The following AKAP8 variants were observed in gnomAD, a reference collection of about 807,000 sequenced individuals.
The protein encoded by AKAP8 is A-kinase anchor protein 8.
Under a neutral mutation model 67.5 loss-of-function variants are expected in AKAP8, and 24 were observed. That is an observed-to-expected ratio of 0.36 (90% CI 0.26 to 0.50). The LOEUF is 0.50. Among genes scored for constraint, AKAP8 ranks in the 20% least tolerant of loss-of-function variants. The pLI, the probability that AKAP8 is intolerant of heterozygous loss-of-function variation, is 0.97. For missense variants in AKAP8, 971 were observed against 955.9 expected (o/e 1.02, Z -0.21); for synonymous variants, 400 against 371.1 (o/e 1.08, Z -0.90).
At chr19:15,358,860 A>C (rs1269673851) in intron 13 of AKAP8, 107 bp downstream of exon 13, 2 of 1,032,924 alleles carry the variant, frequency 1.9e-6, no homozygotes, top group African/African-American at 1.6e-5. Flanking sequence ...CAACTGTCAA[A>C]AGACTCAGAA....
At chr19:15,367,200 C>T (rs1285981889) in intron 9 of AKAP8, among the ~76,000 whole-genome samples, 1 of 152,222 alleles carries the variant, frequency 6.6e-6, no homozygotes, top group Non-Finnish European at 1.5e-5. Flanking sequence ...GCCACGGCAT[C>T]TGGCCCCTTT....
rs188087629 is a variant in AKAP8, at chr19:15,374,999, G to T, written c.59-364C>A. ...TCCCATCAGAAGCCAGAGTGCAGGCGCTGCCAACTGCACAGCGAAGCATTG... is the reference window on the plus strand; with the variant it reads ...TCCCATCAGAAGCCAGAGTGCAGGCTCTGCCAACTGCACAGCGAAGCATTG... On this transcript the variant is annotated intron_variant, in intron 2 of 13. Transcript: ENST00000269701. Among the ~76,000 whole-genome samples, 344 of 152,312 alleles carry T rather than the reference G, an allele frequency of 2.3e-3. 2 individuals are homozygous for T. Among genetic ancestry groups the T allele is most frequent in the Admixed American group, 7.6e-3 (117 of 15,296 alleles).
In AKAP8 at chr19:15,374,623, G is replaced by A; in HGVS notation, c.71C>T (p.Thr24Ile). 6.2e-7 allele frequency: 1 copy of A among 1,612,794 alleles called. No homozygotes were observed. Among genetic ancestry groups the A allele is most frequent in the Non-Finnish European group, 8.5e-7 (1 of 1,179,354 alleles). ...CTTACCTTGCCAGCTGGCCACACCA[G>A]TTCCATATGCACCTTAGGGGAAACA... ...GPANTQGAYG[T>I]GVASWQGYEN... is the part of the protein sequence containing the mutation. Residue 24 changes from threonine to isoleucine, a missense_variant, in exon 3 of 14, where the codon ACT becomes ATT. Transcript: ENST00000269701.
chr19:15,373,396 C>T (rs181565204), intron 4 of AKAP8, 56 bp from the exon 5 acceptor site: 23 of 1,541,828 alleles, frequency 1.5e-5, no homozygotes, highest in African/African-American at 9.6e-5. Flanking sequence ...CACTGCCACA[C>T]TCCCTCAGTA....
In AKAP8 at chr19:15,368,348, C is replaced by T. The variant is rs145962172; in HGVS notation, c.1073-26G>A. ...CTGTAACAGACAAGTCCCTTCGAGA[C>T]GCTCTGAGTGGCCTGCAAAGGAGCT... On this transcript the variant is annotated intron_variant, in intron 8 of 13. Transcript: ENST00000269701. 75 of 1,612,986 alleles carry T rather than the reference C, an allele frequency of 4.6e-5. No individual in the cohort carries two copies. In the African/African-American group the frequency reaches 5.7e-4, roughly 12 times the overall value.
chr19:15,371,238 G>A (rs754054152), intron 7 of AKAP8, among the ~76,000 whole-genome samples: 1 of 152,150 alleles, frequency 6.6e-6, no homozygotes, highest in Non-Finnish European at 1.5e-5. Flanking sequence ...TGGGGTGGCT[G>A]AGGCACCTCC....
chr19:15,368,515 C>G, intron 8 of AKAP8, 193 bp from the exon 9 acceptor site: 1 of 985,218 alleles, frequency 1.0e-6, no homozygotes. Context: ...AGTGAGAGCC[C>G]GGAGTAGTCA....
chr19:15,356,806 T>C (rs1404499664), intron 13 of AKAP8, among the ~76,000 whole-genome samples: 1 of 152,046 alleles, frequency 6.6e-6, no homozygotes, highest in Non-Finnish European at 1.5e-5. Context: ...CAGACCAGCA[T>C]GGGCAACAGA....
chr19:15,359,191 TCCA>T, intron 12 of AKAP8, 129 bp from the exon 13 acceptor site: 2 of 787,966 alleles, frequency 2.5e-6, no homozygotes, highest in Non-Finnish European at 4.2e-6. Flanking sequence ...AACGCCAGCC[TCCA>T]AGAATAGAAG....
chr19:15,368,792 G>T (rs890716977), intron 8 of AKAP8: 5 of 985,142 alleles, frequency 5.1e-6, no homozygotes, highest in Non-Finnish European at 6.0e-6. Context: ...GCGTCCTGGC[G>T]GCCCCGTCTG....
chr19:15,363,343 G>A lies in AKAP8; in HGVS notation c.1161-1092C>T, dbSNP rs866561912. 7.7e-3 allele frequency among the ~76,000 whole-genome samples: 648 copies of A among 84,636 alleles called. 10 individuals are homozygous for A. Among genetic ancestry groups the A allele is most frequent in the African/African-American group, 0.029 (599 of 20,906 alleles). The allele number at this position is 84,636 out of a possible 152,430, so 55.5% of individuals were successfully genotyped here. A position where few individuals can be genotyped will look rare whatever the true frequency, so the allele number is the denominator to read the frequency against. ...CTCTGCCCGGCCAGCCGCTCCGTCCGGGAGGGAGGTGGGGGGGGGTCAGCC... is the reference window on the plus strand; with the variant it reads ...CTCTGCCCGGCCAGCCGCTCCGTCCAGGAGGGAGGTGGGGGGGGGTCAGCC... On this transcript the variant is annotated intron_variant, in intron 9 of 13. Coordinates refer to ENST00000269701, the MANE Select transcript of AKAP8 (RefSeq NM_005858.4).
Position 15,354,659 on chromosome 19 carries a change from A to T in AKAP8, c.*256T>A. 1 of 509,846 alleles carries T rather than the reference A, an allele frequency of 2.0e-6. No individual in the cohort carries two copies. The allele number at this position is 509,846 out of a possible 1,614,324, so 31.6% of individuals were successfully genotyped here. A position where few individuals can be genotyped will look rare whatever the true frequency, so the allele number is the denominator to read the frequency against. The stretch of plus-strand genomic sequence containing the variant: ...TAATCACCCAACCTTTATTATTCCA[A>T]GTGCACTACTGTCAAGAGACATGTT... On this transcript the variant is annotated 3_prime_UTR_variant, in exon 14 of 14. Transcript: ENST00000269701.
chr19:15,372,265 T>C lies in AKAP8; in HGVS notation c.944A>G (p.Asp315Gly), dbSNP rs148305720. 6 of 1,614,090 alleles carry C rather than the reference T, an allele frequency of 3.7e-6. No individual in the cohort carries two copies. In the African/African-American group the frequency reaches 5.3e-5, roughly 14 times the overall value. ...ACTGTCAACCCGGGCCAGTTTGGTG[T>C]CTGGCTCCTCGTAAAGTTGGAACTG... ...RKQFQLYEEP[D>G]TKLARVDSEG... Residue 315 changes from aspartate to glycine, a missense_variant, in exon 6 of 14, where the codon GAC (aspartate) becomes GGC (glycine). Asp to Gly is a moderately conservative substitution (Grantham distance 94, BLOSUM62 -1). Around this residue, in one of 3 missense-constraint regions of AKAP8, gnomAD observed 763 missense variants for 745.4 expected, o/e 1.02. Transcript: ENST00000269701.
At chr19:15,373,382 C>A (rs1301108055) in intron 4 of AKAP8, 42 bp from the exon 5 acceptor site, 4 of 1,555,832 alleles carry the variant, frequency 2.6e-6, no homozygotes, top group Non-Finnish European at 3.5e-6. Context: ...TCACCCCGAT[C>A]ACCCACTGCC....
intron 6 of AKAP8, 45 bp from the exon 7 acceptor site, chr19:15,372,043 C>G (rs1437269206): frequency 1.2e-6 from 2 of 1,612,388 alleles, no homozygotes; most frequent in East Asian, 4.5e-5. Context: ...GGAGAACGGT[C>G]CCATCCGGTT....
At chr19:15,374,094 C>A in intron 3 of AKAP8, 29 bp from the exon 4 acceptor site, 1 of 1,526,772 alleles carries the variant, frequency 6.5e-7, no homozygotes, top group Non-Finnish European at 8.8e-7. Flanking sequence ...CCAAGTCAGA[C>A]TTCAGCAGCC....
rs372697467 is a variant in AKAP8, at chr19:15,362,774, C to T, written c.1161-523G>A. Among the ~76,000 whole-genome samples, 34 of 151,832 alleles carry T rather than the reference C, an allele frequency of 2.2e-4. No homozygotes were observed. The East Asian group carries it at 4.3e-3, about 19-fold the overall frequency. On this transcript the variant is annotated intron_variant, in intron 9 of 13. Coordinates refer to ENST00000269701, the MANE Select transcript of AKAP8 (RefSeq NM_005858.4). ...GCCGAGATTGCAGCCTCTGCCCGGC[C>T]GCCACCCCGTCTGGGAAGTGAGGAG...
intron 2 of AKAP8, among the ~76,000 whole-genome samples, chr19:15,374,911 TG>T (rs2145086149): frequency 6.6e-6 from 1 of 152,316 alleles, no homozygotes; most frequent in Non-Finnish European, 1.5e-5. Flanking sequence ...TCGTCCACTG[TG>T]GGCTGCTGGC....
Position 15,354,666 on chromosome 19 carries a change from T to C in AKAP8, c.*249A>G. ...CCAACCTTTATTATTCCAAGTGCACTACTGTCAAGAGACATGTTACAGCCG... is the reference window on the plus strand; with the variant it reads ...CCAACCTTTATTATTCCAAGTGCACCACTGTCAAGAGACATGTTACAGCCG... On this transcript the variant is annotated 3_prime_UTR_variant, in exon 14 of 14. Transcript: ENST00000269701. 1.9e-6 allele frequency: 1 copy of C among 539,394 alleles called. No homozygotes were observed. Among genetic ancestry groups the C allele is most frequent in the Non-Finnish European group, 3.3e-6 (1 of 303,216 alleles). The allele number at this position is 539,394 out of a possible 1,614,324, so 33.4% of individuals were successfully genotyped here.
Sources: allele counts gnomAD v4.1 joint callset (sites outside exome capture counted in the v4.1 genomes callset), GRCh38; gene constraint gnomAD v4.1.1; regional missense constraint gnomAD v4.1.1; transcripts MANE v1.5; gene names NCBI Gene and HGNC (gene_info 2026-07-23, HGNC 2026-07-21).